Variants in ZFHX3 observed in about 807,000 individuals in gnomAD.
ZFHX3 encodes zinc finger homeobox 3.
Under a neutral mutation model 279.1 loss-of-function variants are expected in ZFHX3, and 42 were observed. The ratio of observed to expected loss-of-function variants is 0.15; its 90% confidence interval spans 0.12 to 0.19. The LOEUF is 0.19. ZFHX3 is among the 10% of genes least tolerant of loss of function. ZFHX3 has a pLI of 1.00. For missense variants in ZFHX3, 4,981 were observed against 4,754.0 expected (o/e 1.05, Z -1.40); for synonymous variants, 2,293 against 1,957.8 (o/e 1.17, Z -4.52).
chr16:73,656,526 T>C (rs1597050519), intron 2 of ZFHX3, among the ~76,000 whole-genome samples: 1 of 152,140 alleles, frequency 6.6e-6, no homozygotes, highest in South Asian at 2.1e-4. Flanking sequence ...TCAAAGGGAA[T>C]TGGGAGCTAA....
chr16:73,437,222 A>AT (rs2018013863), intron 3 of ZFHX3, among the ~76,000 whole-genome samples: 1 of 152,230 alleles, frequency 6.6e-6, no homozygotes. Flanking sequence ...TATTTTGCAG[A>AT]TGAAAAAACT....
At chr16:73,058,557 G>T in exon 1 of ZFHX3, 1 of 206,054 alleles carries the variant, frequency 4.9e-6, no homozygotes, top group Non-Finnish European at 9.6e-6. Context: ...GGCGGCGGCT[G>T]CAGCGGCGCT....
chr16:72,792,748 C>T (rs2035755138), intron 9 of ZFHX3, among the ~76,000 whole-genome samples: 1 of 152,176 alleles, frequency 6.6e-6, no homozygotes, highest in Admixed American at 6.5e-5. Flanking sequence ...CTGCACCCGG[C>T]CCTGATAGCA....
At chr16:72,988,095 T>G (rs944908412) in intron 1 of ZFHX3, among the ~76,000 whole-genome samples, 1 of 152,190 alleles carries the variant, frequency 6.6e-6, no homozygotes, top group Non-Finnish European at 1.5e-5. Flanking sequence ...AACAATATGG[T>G]CCACACTTGG....
At chr16:73,677,461 A>C (rs73608458) in intron 2 of ZFHX3, among the ~76,000 whole-genome samples, 2,119 of 152,008 alleles carry the variant, frequency 0.014, 54 homozygotes, top group African/African-American at 0.048. Flanking sequence ...GAATTAACTA[A>C]GCATGCAACT....
At chr16:73,217,901 A>G (rs2012272093) in intron 5 of ZFHX3, among the ~76,000 whole-genome samples, 1 of 152,162 alleles carries the variant, frequency 6.6e-6, no homozygotes, top group Non-Finnish European at 1.5e-5. Flanking sequence ...AAAAAAAATT[A>G]AACTCTTTTA....
intron 1 of ZFHX3, among the ~76,000 whole-genome samples, chr16:73,696,665 C>A (rs1293484014): frequency 1.3e-5 from 2 of 152,178 alleles, no homozygotes; most frequent in African/African-American, 4.8e-5. Context: ...GTAATGTCAG[C>A]CCCGTCAAAG....
At chr16:73,516,312 G>C (rs2019520668) in intron 2 of ZFHX3, among the ~76,000 whole-genome samples, 1 of 152,136 alleles carries the variant, frequency 6.6e-6, no homozygotes, top group African/African-American at 2.4e-5. Flanking sequence ...TAGAACTGTA[G>C]AGTTAGAAAA....
At chr16:73,349,143 CTTCCTGCTACCTCTAGACTT>C (rs947169391) in intron 3 of ZFHX3, among the ~76,000 whole-genome samples, 2 of 150,174 alleles carry the variant, frequency 1.3e-5, no homozygotes, top group Non-Finnish European at 3.0e-5. Flanking sequence ...TCTCTTGTGT[CTTCCTGCTACCTCTAGACTT>C]TTGTTCTGCC....
chr16:73,413,787 C>T (rs1387415124), intron 3 of ZFHX3, among the ~76,000 whole-genome samples: 3 of 152,282 alleles, frequency 2.0e-5, no homozygotes, highest in East Asian at 3.9e-4. Flanking sequence ...TTTTTCTACA[C>T]GTATGTAATG....
chr16:73,350,299 G>A (rs956116645), intron 3 of ZFHX3, among the ~76,000 whole-genome samples: 8 of 152,088 alleles, frequency 5.3e-5, no homozygotes, highest in Non-Finnish European at 7.4e-5. Context: ...AAATGCGGCC[G>A]CTCCTTCTTG....
In ZFHX3 at chr16:73,287,199, G is replaced by T. The variant is rs559314813; in HGVS notation, c.-1193-30063C>A. Among the ~76,000 whole-genome samples, 156 of 147,846 alleles carry T rather than the reference G, an allele frequency of 1.1e-3. 1 individual carries two copies. The highest frequency in any genetic ancestry group is 6.0e-4 in the Non-Finnish European group (40 of 66,740). On this transcript the variant is annotated intron_variant, in intron 4 of 17. Coordinates refer to the ZFHX3 transcript ENST00000641206. ...GGGCCAGTGTGTGGGTGTGTGGTCA[G>T]TGTATGGCTGTGTGGGTTGGTGAGT...
chr16:73,171,049 A>C (rs1478228218), intron 5 of ZFHX3, among the ~76,000 whole-genome samples: 1 of 152,092 alleles, frequency 6.6e-6, no homozygotes, highest in Non-Finnish European at 1.5e-5. Context: ...AATCTGCTAA[A>C]GCCATTTTCT....
At chr16:73,468,158 G>A (rs1045789034) in intron 2 of ZFHX3, among the ~76,000 whole-genome samples, 1 of 152,160 alleles carries the variant, frequency 6.6e-6, no homozygotes, top group Non-Finnish European at 1.5e-5. Context: ...CCAAATGGAA[G>A]TGGCCCAAAA....
intron 5 of ZFHX3, among the ~76,000 whole-genome samples, chr16:73,241,508 G>A (rs945061135): frequency 1.3e-5 from 2 of 151,936 alleles, no homozygotes; most frequent in Non-Finnish European, 2.9e-5. Flanking sequence ...GGAGGGTTGG[G>A]GGCCGGGCGC....
At chr16:72,934,103 C>T (rs897662692) in intron 3 of ZFHX3, among the ~76,000 whole-genome samples, 1 of 152,166 alleles carries the variant, frequency 6.6e-6, no homozygotes, top group Non-Finnish European at 1.5e-5. Flanking sequence ...CAGAGGTTAG[C>T]CACCACGCCC....
At chr16:73,339,684 G>T (rs1040449525) in intron 3 of ZFHX3, among the ~76,000 whole-genome samples, 1 of 152,168 alleles carries the variant, frequency 6.6e-6, no homozygotes, top group Non-Finnish European at 1.5e-5. Context: ...ACCATGAAGA[G>T]TAGGAGGCCT....
At chr16:72,971,912 G>A (rs1241329332) in intron 1 of ZFHX3, among the ~76,000 whole-genome samples, 3 of 112,134 alleles carry the variant, frequency 2.7e-5, no homozygotes, top group African/African-American at 1.1e-4. Context: ...TTGAGACGGA[G>A]TTTCACCCTG....
At chr16:73,148,956 C>T (rs1966882636) in intron 5 of ZFHX3, among the ~76,000 whole-genome samples, 2 of 151,240 alleles carry the variant, frequency 1.3e-5, no homozygotes, top group Admixed American at 1.3e-4. Flanking sequence ...CAAAACAAAA[C>T]AAGAGGATGA....
Sources: allele counts gnomAD v4.1 joint callset (sites outside exome capture counted in the v4.1 genomes callset), GRCh38; gene constraint gnomAD v4.1.1; transcripts MANE v1.5; gene names NCBI Gene and HGNC (gene_info 2026-07-23, HGNC 2026-07-21).